Variants in B3GLCT observed in about 807,000 individuals in gnomAD.
B3GLCT encodes beta-1,3-glucosyltransferase.
Under a neutral mutation model 63.4 loss-of-function variants are expected in B3GLCT, and 65 were observed. That is an observed-to-expected ratio of 1.03 (90% CI 0.84 to 1.26). The LOEUF (loss-of-function observed/expected upper bound fraction) is 1.26, where lower values mean the gene tolerates loss of function less well. Among genes scored for constraint, B3GLCT ranks in the 50% most tolerant of loss-of-function variants. The pLI, the probability that B3GLCT is intolerant of heterozygous loss-of-function variation, is 0.00. For missense variants in B3GLCT, 577 were observed against 604.8 expected (o/e 0.95, Z 0.48); for synonymous variants, 233 against 219.2 (o/e 1.06, Z -0.55).
At chr13:31,240,126 T>C (rs1392033547) in intron 4 of B3GLCT, among the ~76,000 whole-genome samples, 1 of 152,004 alleles carries the variant, frequency 6.6e-6, no homozygotes, top group East Asian at 1.9e-4. Context: ...CTGCAAATAC[T>C]GCCCCCCTCT....
chr13:31,258,027 A>G (rs890177066), intron 6 of B3GLCT, among the ~76,000 whole-genome samples: 2 of 152,166 alleles, frequency 1.3e-5, no homozygotes, highest in African/African-American at 4.8e-5. Context: ...GTGGAGAAGA[A>G]CAAAGCAGAA....
rs200297044 is a variant in B3GLCT, at chr13:31,331,698, T to A, written c.*2030T>A. 3.3e-5 allele frequency: 5 copies of A among 152,202 alleles called. No individual in the cohort carries two copies. In the East Asian group the frequency reaches 9.6e-4, roughly 29 times the overall value. 9.4% of individuals were successfully genotyped at this position (152,202 alleles called of 1,614,324 possible). A position where few individuals can be genotyped will look rare whatever the true frequency, so the allele number is the denominator to read the frequency against. On this transcript the variant is annotated 3_prime_UTR_variant, in exon 15 of 15. Transcript: ENST00000343307. ...AGAGAAAACCATCAGAAATTGATAA[T>A]GTTTATATAAAGTTTATAAAGCCAT... is the stretch of plus-strand genomic sequence containing the variant.
intron 7 of B3GLCT, among the ~76,000 whole-genome samples, chr13:31,267,611 T>TA (rs138343689): frequency 0.018 from 2,736 of 152,336 alleles, 37 homozygotes; most frequent in Non-Finnish European, 0.031. Flanking sequence ...ATGTGACAGA[T>TA]ATTATATGGG....
chr13:31,242,274 C>T (rs1870992043), intron 4 of B3GLCT, among the ~76,000 whole-genome samples: 1 of 152,160 alleles, frequency 6.6e-6, no homozygotes, highest in Non-Finnish European at 1.5e-5. Flanking sequence ...CTTCATATAG[C>T]TCTGTTCTTA....
intron 6 of B3GLCT, among the ~76,000 whole-genome samples, chr13:31,260,002 G>T (rs1049014048): frequency 6.6e-6 from 1 of 152,108 alleles, no homozygotes; most frequent in Non-Finnish European, 1.5e-5. Flanking sequence ...GTCAGAAGTG[G>T]AAGTCTTTCG....
chr13:31,317,395 TTTG>T (rs1429283476), intron 12 of B3GLCT, among the ~76,000 whole-genome samples, 168 bp from the exon 13 acceptor site: 2 of 152,354 alleles, frequency 1.3e-5, no homozygotes, highest in East Asian at 1.9e-4. Flanking sequence ...CTTTTCTTTT[TTTG>T]TTGTTGTTTA....
intron 4 of B3GLCT, among the ~76,000 whole-genome samples, chr13:31,238,877 C>T (rs1870788818): frequency 6.6e-6 from 1 of 152,122 alleles, no homozygotes; most frequent in East Asian, 1.9e-4. Context: ...ACATGGGGGC[C>T]TTGAGAATGA....
chr13:31,276,317 A>T (rs972121331), intron 9 of B3GLCT, among the ~76,000 whole-genome samples: 1 of 152,146 alleles, frequency 6.6e-6, no homozygotes. Context: ...TTTTTGTCAA[A>T]ATCTTCACCA....
chr13:31,200,323 C>T (rs890792591), intron 1 of B3GLCT, among the ~76,000 whole-genome samples, 169 bp downstream of exon 1: 62 of 148,522 alleles, frequency 4.2e-4, no homozygotes, highest in South Asian at 1.0e-3. Flanking sequence ...CAGCAGCGCC[C>T]TCTCGCGGCG....
At chr13:31,261,688 G>A (rs1872040207) in intron 7 of B3GLCT, among the ~76,000 whole-genome samples, 1 of 152,102 alleles carries the variant, frequency 6.6e-6, no homozygotes, top group African/African-American at 2.4e-5. Flanking sequence ...TTATGTTTTT[G>A]TTCTTTAGGG....
intron 2 of B3GLCT, among the ~76,000 whole-genome samples, chr13:31,216,517 A>G (rs377674977): frequency 3.3e-5 from 5 of 152,066 alleles, no homozygotes; most frequent in African/African-American, 1.2e-4. Context: ...TGCATGTCAT[A>G]GGGGTTTGAT....
chr13:31,300,684 G>A (rs1342040483), intron 12 of B3GLCT, among the ~76,000 whole-genome samples: 1 of 152,178 alleles, frequency 6.6e-6, no homozygotes, highest in Non-Finnish European at 1.5e-5. Flanking sequence ...AGTGGGTTCA[G>A]TTGGTTACCA....
chr13:31,319,773 T>C (rs989141031), intron 13 of B3GLCT, among the ~76,000 whole-genome samples: 1 of 152,224 alleles, frequency 6.6e-6, no homozygotes, highest in Non-Finnish European at 1.5e-5. Context: ...GCATCTCCAC[T>C]TGACTGATTG....
chr13:31,326,387 G>A (rs919786991), intron 14 of B3GLCT, among the ~76,000 whole-genome samples: 9 of 145,644 alleles, frequency 6.2e-5, no homozygotes, highest in South Asian at 2.3e-4. Context: ...GGGTTCAAGC[G>A]ATTCTCCTGC....
Position 31,200,079 on chromosome 13 carries a change from GC to G in B3GLCT, c.-4del. 4.4e-6 allele frequency: 6 copies of G among 1,368,150 alleles called. No individual in the cohort carries two copies. Among genetic ancestry groups the G allele is most frequent in the Non-Finnish European group, 5.7e-6 (6 of 1,050,210 alleles). The allele number at this position is 1,368,150 out of a possible 1,614,324, so 84.8% of individuals were successfully genotyped here. A position where few individuals can be genotyped will look rare whatever the true frequency, so the allele number is the denominator to read the frequency against. ...CCAGGTAGGGCGCTCAGCCTCCGCC[GC>G]CAGGATGCGGCCGCCCGCCTGCTGG... On this transcript the variant is annotated 5_prime_UTR_variant, in exon 1 of 15. Transcript: ENST00000343307.
chr13:31,214,952 A>G, intron 1 of B3GLCT, 99 bp from the exon 2 acceptor site: 1 of 1,181,366 alleles, frequency 8.5e-7, no homozygotes, highest in Admixed American at 2.2e-5. Flanking sequence ...ATGTCTTGTT[A>G]AAGTATCTTT....
chr13:31,217,334 T>G (rs1869611247), intron 2 of B3GLCT, among the ~76,000 whole-genome samples: 2 of 152,324 alleles, frequency 1.3e-5, no homozygotes, highest in South Asian at 4.1e-4. Flanking sequence ...CCTTATAGAT[T>G]CTGGATATTA....
intron 14 of B3GLCT, among the ~76,000 whole-genome samples, chr13:31,325,770 A>G (rs1875574560): frequency 6.6e-6 from 1 of 152,234 alleles, no homozygotes; most frequent in Non-Finnish European, 1.5e-5. Flanking sequence ...CACTGATCCA[A>G]ACTGTGTTTG....
chr13:31,295,678 G>C (rs1873899876), intron 12 of B3GLCT, among the ~76,000 whole-genome samples: 3 of 152,214 alleles, frequency 2.0e-5, no homozygotes, highest in Admixed American at 6.5e-5. Flanking sequence ...CCAAGCTCGA[G>C]CATCCCAGGG....
Sources: gnomAD v4.1 joint callset for allele counts (sites outside exome capture counted in the v4.1 genomes callset) on GRCh38, gnomAD v4.1.1 for gene constraint, MANE v1.5 for transcripts, NCBI Gene and HGNC (gene_info 2026-07-23, HGNC 2026-07-21) for gene names.